SBF2: variants seen among roughly 807,000 people sequenced by gnomAD.
SBF2 encodes the protein myotubularin-related protein 13.
A neutral mutation model predicts 225.2 loss-of-function variants in SBF2; 112 were observed. The observed-to-expected ratio is 0.50, with a 90% confidence interval of 0.43 to 0.58. The LOEUF (loss-of-function observed/expected upper bound fraction) is 0.58. Among genes scored for constraint, SBF2 ranks in the 20% least tolerant of loss-of-function variants. SBF2 has a pLI of 0.00. For synonymous variants in SBF2, 763 were observed against 773.3 expected, an observed-to-expected ratio of 0.99 and a Z score of 0.22; for missense variants, 1,996 against 2,206.2, an observed-to-expected ratio of 0.90 and a Z score of 1.91.
At chr11:10,067,147 T>C (rs569937128) in intron 2 of SBF2, among the ~76,000 whole-genome samples, 25 of 152,134 alleles carry the variant, frequency 1.6e-4, no homozygotes, top group South Asian at 6.2e-4. Flanking sequence ...GGGATACATA[T>C]GTCAAAAGAT....
At chr11:10,079,975 C>T (rs985867035) in intron 2 of SBF2, among the ~76,000 whole-genome samples, 7 of 140,466 alleles carry the variant, frequency 5.0e-5, no homozygotes, top group African/African-American at 1.0e-4. Flanking sequence ...GGGACAGGCA[C>T]GATGGCTCAT....
intron 17 of SBF2, among the ~76,000 whole-genome samples, chr11:9,879,126 C>A (rs1475401387): frequency 6.6e-6 from 1 of 152,182 alleles, no homozygotes; most frequent in Non-Finnish European, 1.5e-5. Context: ...ATAATAATTT[C>A]TTCTGTAATT....
chr11:10,042,948 C>T lies in SBF2; in HGVS notation c.175G>A (p.Glu59Lys), dbSNP rs763055486. ...CQPGGWQLSR[E>K]RKQPTFFVVV... ...ACAAAGAACGTTGGCTGCTTCCTCT[C>T]TCTGGACAGCTGCCACCCGCCAGGC... The change falls in exon 3 of 40, where the codon GAG becomes AAG. Residue 59 changes from glutamate (E) to lysine (K), a missense_variant. By Grantham distance (56) the Glu-to-Lys change is moderately conservative. Transcript: ENST00000256190. The T allele has an allele frequency of 1.4e-5, 22 of 1,613,904 alleles. No individual in the cohort carries two copies. The highest frequency in any genetic ancestry group is 2.7e-5 in the African/African-American group (2 of 75,012).
chr11:10,003,366 T>C (rs1948054526), intron 6 of SBF2, among the ~76,000 whole-genome samples: 1 of 123,802 alleles, frequency 8.1e-6, no homozygotes, highest in Non-Finnish European at 1.8e-5. Context: ...TTTCTTTTTC[T>C]TTTTTCTTTT....
At chr11:9,903,402 A>G (rs888470324) in intron 16 of SBF2, among the ~76,000 whole-genome samples, 2 of 152,190 alleles carry the variant, frequency 1.3e-5, no homozygotes, top group Non-Finnish European at 2.9e-5. Context: ...TAGTGGTGGC[A>G]AATATCTGAG....
chr11:10,180,552 T>C (rs1035033975), intron 2 of SBF2, among the ~76,000 whole-genome samples: 1 of 152,206 alleles, frequency 6.6e-6, no homozygotes, highest in Non-Finnish European at 1.5e-5. Flanking sequence ...TGATATATTC[T>C]TCTTTGGATT....
chr11:10,039,500 C>T (rs16907419), intron 3 of SBF2, among the ~76,000 whole-genome samples: 1,537 of 151,906 alleles, frequency 0.01, 22 homozygotes, highest in East Asian at 0.067. Context: ...ACAACCTATC[C>T]GCATTTTCAA....
rs551442652 is a variant in SBF2, at chr11:9,787,708, G to T, written c.4963C>A (p.Gln1655Lys). The T allele has an allele frequency of 5.0e-6, 8 of 1,614,152 alleles. No individual in the cohort carries two copies. The South Asian group carries it at 5.5e-5, about 11-fold the overall frequency. Residue 1655 changes from glutamine to lysine, a missense_variant, in exon 36 of 40, where the codon CAA becomes AAA. Coordinates refer to ENST00000256190, the MANE Select transcript of SBF2 (RefSeq NM_030962.4). Reference sequence around the variant, plus strand: ...AGCTGCTGCCACTTCTCAGGGGCTTGGTTCAATTTGTGCTCCAATTTTTCA... The same window carrying T: ...AGCTGCTGCCACTTCTCAGGGGCTTTGTTCAATTTGTGCTCCAATTTTTCA... ...EIEKLEHKLN[Q>K]APEKWQQLWE...
chr11:9,810,312 A>G (rs1854110755), intron 30 of SBF2: 2 of 152,160 alleles, frequency 1.3e-5, no homozygotes, highest in African/African-American at 2.4e-5. Flanking sequence ...CTATTTGTCT[A>G]TACTGTGTAC....
At chr11:9,842,142 T>C (rs964339585) in intron 25 of SBF2, among the ~76,000 whole-genome samples, 3 of 152,214 alleles carry the variant, frequency 2.0e-5, no homozygotes, top group Non-Finnish European at 4.4e-5. Context: ...ATATTGTAGC[T>C]GTTCTTTCAA....
chr11:10,030,808 T>G (rs1565152830), intron 4 of SBF2, among the ~76,000 whole-genome samples: 1 of 152,208 alleles, frequency 6.6e-6, no homozygotes, highest in Non-Finnish European at 1.5e-5. Flanking sequence ...ATTCAATAAA[T>G]GTGGGACCTA....
chr11:10,104,102 A>AG (rs1163902311), intron 2 of SBF2, among the ~76,000 whole-genome samples: 3 of 151,996 alleles, frequency 2.0e-5, no homozygotes, highest in African/African-American at 4.8e-5. Context: ...AAAAAAAAAA[A>AG]AGAGAGAGTG....
At chr11:10,194,692 G>A (rs1262308735) in intron 1 of SBF2, among the ~76,000 whole-genome samples, 1 of 152,116 alleles carries the variant, frequency 6.6e-6, no homozygotes, top group Non-Finnish European at 1.5e-5. Flanking sequence ...TGTACTTTTA[G>A]TAGAGATGGG....
chr11:10,219,191 C>G (rs2071902815), intron 1 of SBF2, among the ~76,000 whole-genome samples: 1 of 152,210 alleles, frequency 6.6e-6, no homozygotes, highest in Non-Finnish European at 1.5e-5. Context: ...TCCATACATC[C>G]TCTGAAATCT....
At chr11:9,913,927 C>A (rs2134196807) in intron 16 of SBF2, among the ~76,000 whole-genome samples, 1 of 152,314 alleles carries the variant, frequency 6.6e-6, no homozygotes, top group East Asian at 1.9e-4. Context: ...GTTTCTAATT[C>A]CTGGGCTCAA....
At chr11:10,208,231 A>AATAC (rs965605995) in intron 1 of SBF2, among the ~76,000 whole-genome samples, 1 of 152,108 alleles carries the variant, frequency 6.6e-6, no homozygotes, top group African/African-American at 2.4e-5. Context: ...AAAAATGTGA[A>AATAC]ATACATACAT....
At chr11:10,021,157 T>C (rs1282314826) in intron 6 of SBF2, among the ~76,000 whole-genome samples, 3 of 152,220 alleles carry the variant, frequency 2.0e-5, no homozygotes, top group Admixed American at 6.5e-5. Context: ...GAGTATACTG[T>C]GAAAACTGTT....
At chr11:9,782,198 GAAGTC>G (rs1165068185) in intron 38 of SBF2, among the ~76,000 whole-genome samples, 2 of 138,682 alleles carry the variant, frequency 1.4e-5, no homozygotes, top group African/African-American at 2.6e-5. Flanking sequence ...AAAAAAAAAA[GAAGTC>G]AAGTAACAAC....
In SBF2 at chr11:10,030,910, G is replaced by A. The variant is rs922396886; in HGVS notation, c.402+138C>T. The A allele has an allele frequency of 4.2e-6, 3 of 719,670 alleles. No individual in the cohort carries two copies. In the Admixed American group the frequency reaches 8.3e-5, roughly 20 times the overall value. 44.6% of individuals were successfully genotyped at this position (719,670 alleles called of 1,614,324 possible). ...CACCCAACATGAAAATATTTCTTCT[G>A]TTCATGCTAACTGTATTTCATAGAT... is the stretch of plus-strand genomic sequence containing the variant. On this transcript the variant is annotated intron_variant, in intron 4 of 39. Coordinates refer to ENST00000256190, the MANE Select transcript of SBF2 (RefSeq NM_030962.4).
Sources: allele counts gnomAD v4.1 joint callset (sites outside exome capture counted in the v4.1 genomes callset), GRCh38; gene constraint gnomAD v4.1.1; transcripts MANE v1.5; gene names NCBI Gene and HGNC (gene_info 2026-07-23, HGNC 2026-07-21).